The following SASH1 variants were observed in gnomAD, a reference collection of about 807,000 sequenced individuals.
The protein encoded by SASH1 is SAM and SH3 domain-containing protein 1.
A neutral mutation model predicts 125.2 loss-of-function variants in SASH1; 44 were observed. That is an observed-to-expected ratio of 0.35 (90% CI 0.28 to 0.45). The LOEUF (loss-of-function observed/expected upper bound fraction) is 0.45, where lower values mean the gene tolerates loss of function less well. Among genes scored for constraint, SASH1 ranks in the 20% least tolerant of loss-of-function variants. SASH1 has a pLI of 1.00. For synonymous variants in SASH1, 639 were observed against 649.1 expected, an observed-to-expected ratio of 0.98 and a Z score of 0.24; for missense variants, 1,426 against 1,614.5, an observed-to-expected ratio of 0.88 and a Z score of 2.00.
At chr6:148,545,977 T>C in intron 18 of SASH1, 38 bp from the exon 19 acceptor site, 2 of 1,599,954 alleles carry the variant, frequency 1.3e-6, no homozygotes, top group Non-Finnish European at 1.7e-6. Context: ...ACAAAATCCT[T>C]ATGACTCTTG....
intron 1 of SASH1, among the ~76,000 whole-genome samples, chr6:148,305,623 C>CAAAAAAAAAAAAAAAA (rs59521298): frequency 7.7e-5 from 8 of 104,364 alleles, no homozygotes; most frequent in East Asian, 3.0e-4. Flanking sequence ...GACTCTGACT[C>CAAAAAAAAAAAAAAAA]AAAAAAAAAA....
chr6:148,417,331 A>G (rs909071433), intron 2 of SASH1, among the ~76,000 whole-genome samples: 1 of 152,114 alleles, frequency 6.6e-6, no homozygotes, highest in African/African-American at 2.4e-5. Flanking sequence ...TCATGCCTGT[A>G]TTCCCAGCGC....
intron 1 of SASH1, among the ~76,000 whole-genome samples, chr6:148,313,777 C>A (rs1780401420): frequency 1.3e-5 from 2 of 152,168 alleles, no homozygotes; most frequent in Admixed American, 6.6e-5. Flanking sequence ...CTGCTACCTG[C>A]TCCTTCTGGC....
In SASH1 at chr6:148,427,520, A is replaced by T. The variant is rs181118232; in HGVS notation, c.286-12664A>T. On this transcript the variant is annotated intron_variant, in intron 2 of 19. Transcript: ENST00000367467. ...TGCCACATTGTGGTGTGTAGATCTT[A>T]TTCTTATCTCCATGCAAAATGCTTG... Among the ~76,000 whole-genome samples the T allele has an allele frequency of 3.2e-5, 4 of 124,606 alleles. No individual in the cohort carries two copies. In the East Asian group the frequency reaches 9.8e-4, roughly 31 times the overall value. The allele number at this position is 124,606 out of a possible 152,430, so 81.7% of individuals were successfully genotyped here. A position where few individuals can be genotyped will look rare whatever the true frequency, so the allele number is the denominator to read the frequency against.
At chr6:148,345,536 G>A (rs1370953554) in intron 1 of SASH1, among the ~76,000 whole-genome samples, 1 of 152,192 alleles carries the variant, frequency 6.6e-6, no homozygotes, top group African/African-American at 2.4e-5. Flanking sequence ...GTAAAATTCA[G>A]AGGAAGACAT....
At chr6:148,409,886 C>A (rs918687019) in intron 2 of SASH1, among the ~76,000 whole-genome samples, 19 of 152,006 alleles carry the variant, frequency 1.2e-4, no homozygotes, top group African/African-American at 3.4e-4. Flanking sequence ...CTGCAGTGAG[C>A]CGAGATTGCA....
chr6:148,538,579 T>C (rs1054403136), intron 16 of SASH1, among the ~76,000 whole-genome samples: 1 of 152,162 alleles, frequency 6.6e-6, no homozygotes, highest in African/African-American at 2.4e-5. Flanking sequence ...AAAGTAGCAC[T>C]CTTAATTTGG....
At chr6:148,479,180 C>G (rs1489725712) in intron 7 of SASH1, among the ~76,000 whole-genome samples, 2 of 151,618 alleles carry the variant, frequency 1.3e-5, no homozygotes, top group African/African-American at 2.4e-5. Context: ...TCCCAAGTAG[C>G]TGGGATTATA....
chr6:148,527,353 A>G, intron 11 of SASH1, 100 bp from the exon 12 acceptor site: 1 of 993,378 alleles, frequency 1.0e-6, no homozygotes, highest in Non-Finnish European at 1.4e-6. Context: ...TCCATGAGGA[A>G]TGTCAATATT....
intron 8 of SASH1, among the ~76,000 whole-genome samples, chr6:148,494,806 AAAC>A: frequency 6.6e-6 from 1 of 152,206 alleles, no homozygotes; most frequent in Non-Finnish European, 1.5e-5. Flanking sequence ...ACTGTGTCCA[AAAC>A]TTTGGGCCAC....
At chr6:148,503,894 C>A (rs1618036) in intron 8 of SASH1, among the ~76,000 whole-genome samples, 14 of 151,902 alleles carry the variant, frequency 9.2e-5, no homozygotes, top group South Asian at 2.1e-4. Flanking sequence ...TGGGATGATA[C>A]GTCATTTCTC....
intron 2 of SASH1, among the ~76,000 whole-genome samples, chr6:148,438,428 C>T (rs1024004531): frequency 1.3e-5 from 2 of 152,120 alleles, no homozygotes; most frequent in Non-Finnish European, 2.9e-5. Flanking sequence ...ATATATAACT[C>T]AAAACATTGT....
chr6:148,234,576 A>G, the SASH1 span, among the ~76,000 whole-genome samples: 1 of 152,148 alleles, frequency 6.6e-6, no homozygotes, highest in East Asian at 1.9e-4. Flanking sequence ...CTGTAATGCC[A>G]GCACTTTGGG....
At chr6:148,387,784 G>A (rs1161952026) in intron 1 of SASH1, among the ~76,000 whole-genome samples, 1 of 150,410 alleles carries the variant, frequency 6.6e-6, no homozygotes, top group Non-Finnish European at 1.5e-5. Flanking sequence ...CCCTGGCCAG[G>A]TTGGAGAGCA....
Position 148,548,653 on chromosome 6 carries a change from C to T in SASH1, c.*95C>T, listed in dbSNP as rs1562508928. 1 of 1,418,920 alleles carries T rather than the reference C, an allele frequency of 7.0e-7. No homozygotes were observed. The highest frequency in any genetic ancestry group is 2.3e-5 in the East Asian group (1 of 43,426). 87.9% of individuals were successfully genotyped at this position (1,418,920 alleles called of 1,614,324 possible). A position where few individuals can be genotyped will look rare whatever the true frequency, so the allele number is the denominator to read the frequency against. Reference sequence around the variant, plus strand: ...CTCCATCATCTCTGGACGTGCAGACCAGATCCAGAAGAAAGGCCTGGCGTG... The same window carrying T: ...CTCCATCATCTCTGGACGTGCAGACTAGATCCAGAAGAAAGGCCTGGCGTG... On this transcript the variant is annotated 3_prime_UTR_variant, in exon 20 of 20. Transcript: ENST00000367467.
chr6:148,235,994 C>T, the SASH1 span, among the ~76,000 whole-genome samples: 1 of 151,996 alleles, frequency 6.6e-6, no homozygotes, highest in Non-Finnish European at 1.5e-5. Context: ...TCTGAAGGAC[C>T]CTGTTCATTC....
At chr6:148,282,236 T>C (rs1582912640) in intron 1 of SASH1, among the ~76,000 whole-genome samples, 1 of 152,176 alleles carries the variant, frequency 6.6e-6, no homozygotes, top group African/African-American at 2.4e-5. Context: ...ACTTCTCCAA[T>C]GGGCACTCTT....
At chr6:148,444,009 G>T (rs1385251425) in intron 4 of SASH1, among the ~76,000 whole-genome samples, 1 of 152,156 alleles carries the variant, frequency 6.6e-6, no homozygotes, top group African/African-American at 2.4e-5. Flanking sequence ...AGTTTTCTCT[G>T]CTTTTTATTC....
the SASH1 span, among the ~76,000 whole-genome samples, chr6:148,242,338 G>A: frequency 6.6e-6 from 1 of 152,186 alleles, no homozygotes; most frequent in South Asian, 2.1e-4. Flanking sequence ...TGGAAGCCAA[G>A]AAGGCAAAGT....
Sources: gnomAD v4.1 joint callset for allele counts (sites outside exome capture counted in the v4.1 genomes callset) on GRCh38, gnomAD v4.1.1 for gene constraint, MANE v1.5 for transcripts, NCBI Gene and HGNC (gene_info 2026-07-23, HGNC 2026-07-21) for gene names.